Variants in STX8 observed in about 807,000 individuals in gnomAD.
The protein encoded by STX8 is syntaxin-8.
STX8 carries 23 observed loss-of-function variants against 37.5 expected under a neutral mutation model. That is an observed-to-expected ratio of 0.61 (90% confidence interval 0.44 to 0.87). The LOEUF is 0.87. Ranked by LOEUF, STX8 falls within the 40% of genes least tolerant of loss-of-function variation. The pLI is 0.00. For missense variants in STX8, 313 were observed against 284.7 expected (o/e 1.10, Z -0.71); for synonymous variants, 115 against 99.1 (o/e 1.16, Z -0.95).
At chr17:9,418,678 T>A (rs1913292510) in intron 6 of STX8, among the ~76,000 whole-genome samples, 1 of 151,162 alleles carries the variant, frequency 6.6e-6, no homozygotes, top group Non-Finnish European at 1.5e-5. Flanking sequence ...ATACAAAAAA[T>A]TAGCCGGGCG....
intron 4 of STX8, among the ~76,000 whole-genome samples, chr17:9,510,604 T>C (rs976354484): frequency 1.3e-5 from 2 of 152,048 alleles, no homozygotes; most frequent in Non-Finnish European, 2.9e-5. Flanking sequence ...CCGAAACCTA[T>C]GGGACACAGC....
At chr17:9,445,898 T>A (rs1384199925) in intron 6 of STX8, among the ~76,000 whole-genome samples, 2 of 148,146 alleles carry the variant, frequency 1.4e-5, no homozygotes, top group Non-Finnish European at 3.0e-5. Flanking sequence ...AGTGCAGTGG[T>A]GTGATCTCAG....
intron 7 of STX8, among the ~76,000 whole-genome samples, chr17:9,330,208 C>A (rs911215093): frequency 2.0e-5 from 3 of 152,170 alleles, no homozygotes; most frequent in African/African-American, 4.8e-5. Flanking sequence ...TTTTGAAATG[C>A]GAATTAGCTG....
chr17:9,332,980 A>T (rs1910010630), intron 7 of STX8, among the ~76,000 whole-genome samples: 1 of 152,234 alleles, frequency 6.6e-6, no homozygotes, highest in Admixed American at 6.5e-5. Context: ...TGAGAACGAG[A>T]CACAATACTT....
chr17:9,514,285 A>T (rs1411684525), intron 4 of STX8, among the ~76,000 whole-genome samples: 1 of 152,304 alleles, frequency 6.6e-6, no homozygotes, highest in East Asian at 1.9e-4. Flanking sequence ...CCCCATAAAT[A>T]TGTATAATTA....
At chr17:9,446,539 C>T (rs1032168268) in intron 6 of STX8, among the ~76,000 whole-genome samples, 2 of 152,134 alleles carry the variant, frequency 1.3e-5, no homozygotes, top group Non-Finnish European at 2.9e-5. Flanking sequence ...GAGGAGGAAG[C>T]AAACTACTGT....
At chr17:9,351,745 T>C (rs1442023208) in intron 7 of STX8, among the ~76,000 whole-genome samples, 1 of 152,178 alleles carries the variant, frequency 6.6e-6, no homozygotes, top group Non-Finnish European at 1.5e-5. Context: ...CCCTGATATT[T>C]TCCTTGTCTC....
At chr17:9,405,050 G>C (rs1912757657) in intron 6 of STX8, among the ~76,000 whole-genome samples, 1 of 151,942 alleles carries the variant, frequency 6.6e-6, no homozygotes, top group Non-Finnish European at 1.5e-5. Flanking sequence ...TAAATCTTGT[G>C]AAGTCATGTA....
intron 7 of STX8, among the ~76,000 whole-genome samples, chr17:9,256,459 G>A (rs528980844): frequency 2.0e-4 from 31 of 152,230 alleles, no homozygotes; most frequent in Middle Eastern, 3.4e-3. Flanking sequence ...AAAGCAGACC[G>A]AAGGGCACGC....
chr17:9,371,456 A>G (rs1238689514), intron 7 of STX8, among the ~76,000 whole-genome samples: 1 of 152,170 alleles, frequency 6.6e-6, no homozygotes, highest in African/African-American at 2.4e-5. Context: ...GTGTTCATAT[A>G]TAAAACAGCC....
At chr17:9,563,344 G>A (rs1024621915) in intron 2 of STX8, among the ~76,000 whole-genome samples, 12 of 151,782 alleles carry the variant, frequency 7.9e-5, no homozygotes, top group East Asian at 1.9e-4. Context: ...CACCACACCC[G>A]GCTAATGTTT....
intron 7 of STX8, among the ~76,000 whole-genome samples, chr17:9,340,461 C>G (rs1910308987): frequency 6.6e-6 from 1 of 152,172 alleles, no homozygotes; most frequent in South Asian, 2.1e-4. Context: ...TTAAATTTAT[C>G]TGCAAAAGGA....
At chr17:9,360,379 C>T (rs1406893139) in intron 7 of STX8, among the ~76,000 whole-genome samples, 1 of 151,464 alleles carries the variant, frequency 6.6e-6, no homozygotes, top group Non-Finnish European at 1.5e-5. Flanking sequence ...GGATTACAGT[C>T]GTGCACCACC....
chr17:9,556,776 T>TACAC lies in STX8; in HGVS notation c.212+657_212+658insGTGT, dbSNP rs767136031. On this transcript the variant is annotated intron_variant, in intron 3 of 7. Transcript: ENST00000306357. ...ATATATATATATATATATATATATA[T>TACAC]ATATATATATATATATATACACATA... 8.6e-3 allele frequency: 793 copies of TACAC among 91,778 alleles called. 6 individuals are homozygous for TACAC. The highest frequency in any genetic ancestry group is 0.014 in the Non-Finnish European group (659 of 46,706). 5.7% of individuals were successfully genotyped at this position (91,778 alleles called of 1,614,324 possible).
chr17:9,545,594 T>C (rs1257221081), intron 3 of STX8, among the ~76,000 whole-genome samples: 1 of 152,190 alleles, frequency 6.6e-6, no homozygotes, highest in African/African-American at 2.4e-5. Flanking sequence ...TATTTACTTA[T>C]TTTTGAGACA....
At chr17:9,291,193 C>A (rs1199919318) in intron 7 of STX8, among the ~76,000 whole-genome samples, 2 of 152,110 alleles carry the variant, frequency 1.3e-5, no homozygotes, top group South Asian at 4.1e-4. Context: ...CTCACACCTC[C>A]CAGCACTTTG....
At position 9,402,419 on chromosome 17, in the gene STX8, C is replaced by A. The variant is rs913332496; in HGVS notation, c.542-23766G>T. 6.6e-5 allele frequency among the ~76,000 whole-genome samples: 10 copies of A among 152,216 alleles called. No homozygotes were observed. In the South Asian group the frequency reaches 1.7e-3, roughly 25 times the overall value. On this transcript the variant is annotated intron_variant, in intron 6 of 7. Transcript: ENST00000306357. ...TACAGGCGTGAGTCACCGCACCCAG[C>A]CTTTTTAATATATTTTTAAATCATT...
chr17:9,307,231 T>C (rs1459189681), intron 7 of STX8, among the ~76,000 whole-genome samples: 1 of 152,216 alleles, frequency 6.6e-6, no homozygotes, highest in Non-Finnish European at 1.5e-5. Flanking sequence ...CTTACAACTA[T>C]TTTTTGCCAT....
chr17:9,280,628 T>C (rs1907849948), intron 7 of STX8, among the ~76,000 whole-genome samples: 2 of 152,158 alleles, frequency 1.3e-5, no homozygotes, highest in Non-Finnish European at 2.9e-5. Flanking sequence ...AACGACTTTT[T>C]GAAAATTCCA....
Sources: gnomAD v4.1 joint callset for allele counts (sites outside exome capture counted in the v4.1 genomes callset) on GRCh38, gnomAD v4.1.1 for gene constraint, MANE v1.5 for transcripts, NCBI Gene and HGNC (gene_info 2026-07-23, HGNC 2026-07-21) for gene names.